CMTM6: variants seen among roughly 807,000 people sequenced by gnomAD.
CMTM6 encodes CKLF-like MARVEL transmembrane domain-containing protein 6.
A neutral mutation model predicts 13.6 loss-of-function variants in CMTM6; 5 were observed. The observed-to-expected ratio is 0.37, with a 90% CI of 0.19 to 0.77. The LOEUF is 0.77. Among genes scored for constraint, CMTM6 ranks in the 30% least tolerant of loss-of-function variants. CMTM6 has a pLI of 0.50. For synonymous variants in CMTM6, 99 were observed against 84.5 expected, an observed-to-expected ratio of 1.17 and a Z score of -0.94; for missense variants, 196 against 218.6, an observed-to-expected ratio of 0.90 and a Z score of 0.65.
At chr3:32,484,399 A>T (rs945593890) in intron 3 of CMTM6, among the ~76,000 whole-genome samples, 2 of 152,262 alleles carry the variant, frequency 1.3e-5, no homozygotes, top group Non-Finnish European at 2.9e-5. Context: ...ACAGATAAAC[A>T]TTAAATCCTA....
chr3:32,501,287 C>T (rs138786431), intron 1 of CMTM6, among the ~76,000 whole-genome samples: 42 of 150,868 alleles, frequency 2.8e-4, no homozygotes, highest in African/African-American at 9.7e-4. Flanking sequence ...CAGAGAAATA[C>T]AGCTAATACC....
intron 3 of CMTM6, among the ~76,000 whole-genome samples, chr3:32,487,145 A>G (rs111524866): frequency 1.6e-4 from 24 of 152,280 alleles, no homozygotes; most frequent in African/African-American, 3.6e-4. Flanking sequence ...GTGAATGGGA[A>G]GGTGGAAAAG....
intron 1 of CMTM6, among the ~76,000 whole-genome samples, chr3:32,500,110 T>G (rs1697332154): frequency 6.6e-6 from 1 of 152,232 alleles, no homozygotes; most frequent in South Asian, 2.1e-4. Flanking sequence ...GTACAATATT[T>G]TGAATAAAAT....
In CMTM6 at chr3:32,484,065, T is replaced by C. The variant is rs146039707; in HGVS notation, c.447A>G (p.Leu149=). The change falls in exon 4 of 4, where the codon CTA becomes CTG. Residue 149 remains leucine, a synonymous_variant. Transcript: ENST00000205636. ...CATACAGCATAGTGATAAAGTCAAG[T>C]AGGAACATAAAACTTGCTATAAATC... ...VFGFIASFMF[L]LDFITMLYEK... is the part of the protein sequence containing the mutation. The C allele has an allele frequency of 1.2e-6, 2 of 1,605,280 alleles. No homozygotes were observed. Among genetic ancestry groups the C allele is most frequent in the Non-Finnish European group, 8.5e-7 (1 of 1,177,154 alleles).
chr3:32,494,524 A>G lies in CMTM6; in HGVS notation c.139-2638T>C, dbSNP rs187274079. On this transcript the variant is annotated intron_variant, in intron 1 of 3. Transcript: ENST00000205636. ...CCAGAAATAGAACTCTTGGGCAACT[A>G]TCTCAGAGAAATGAAAACTTAACAT... is the stretch of plus-strand genomic sequence containing the variant. Among the ~76,000 whole-genome samples, 139 of 152,346 alleles carry G rather than the reference A, an allele frequency of 9.1e-4. 1 individual carries two copies. The highest frequency in any genetic ancestry group is 3.1e-3 in the African/African-American group (128 of 41,576).
At position 32,487,955 on chromosome 3, in the gene CMTM6, C is replaced by G. The variant is rs144552974; in HGVS notation, c.397G>C (p.Ala133Pro). Residue 133 changes from alanine to proline, a missense_variant, in exon 3 of 4, where the codon GCT becomes CCT. Ala to Pro is a conservative substitution (Grantham distance 27). Transcript: ENST00000205636. The stretch of plus-strand genomic sequence containing the variant: ...GTACTTACAATTGCAGCAATCTCAG[C>G]TGAAGTCCTGTCATGTGTGGAAACA... ...IFVSTHDRTS[A>P]EIAAIVFGFI... is the part of the protein sequence containing the mutation. The G allele has an allele frequency of 6.2e-7, 1 of 1,612,440 alleles. No homozygotes were observed. The highest frequency in any genetic ancestry group is 1.3e-5 in the African/African-American group (1 of 74,972).
chr3:32,496,429 A>C (rs1239706597), intron 1 of CMTM6, among the ~76,000 whole-genome samples: 1 of 152,102 alleles, frequency 6.6e-6, no homozygotes, highest in East Asian at 1.9e-4. Flanking sequence ...CAAAAAAAAA[A>C]GAAAAAAAAT....
At position 32,491,895 on chromosome 3, in the gene CMTM6, G is replaced by C. The variant is rs377609537; in HGVS notation, c.139-9C>G. Reference sequence around the variant, plus strand: ...GCCAGCAGAGACAGCAACTACAAATGAAGCAAAACATTTTACTTAAGTGTT... The same window carrying C: ...GCCAGCAGAGACAGCAACTACAAATCAAGCAAAACATTTTACTTAAGTGTT... On this transcript the variant is annotated splice_polypyrimidine_tract_variant and intron_variant, in intron 1 of 3. Coordinates refer to ENST00000205636, the MANE Select transcript of CMTM6 (RefSeq NM_017801.3). 4.6e-5 allele frequency: 73 copies of C among 1,593,522 alleles called. No homozygotes were observed. The highest frequency in any genetic ancestry group is 1.7e-6 in the Non-Finnish European group (2 of 1,172,344).
rs558117948 is a variant in CMTM6, at chr3:32,494,432, C to A, written c.139-2546G>T. On this transcript the variant is annotated intron_variant, in intron 1 of 3. Coordinates refer to ENST00000205636, the MANE Select transcript of CMTM6 (RefSeq NM_017801.3). ...AATATCTTATCCTACAAAACATTTTCATTAAAAAGGGACAAACAACAGTTC... is the reference window on the plus strand; with the variant it reads ...AATATCTTATCCTACAAAACATTTTAATTAAAAAGGGACAAACAACAGTTC... 1.4e-4 allele frequency among the ~76,000 whole-genome samples: 22 copies of A among 152,314 alleles called. 1 individual carries two copies. In the South Asian group the frequency reaches 4.6e-3, roughly 32 times the overall value.
At chr3:32,501,481 G>GT (rs1375895778) in intron 1 of CMTM6, among the ~76,000 whole-genome samples, 2 of 152,162 alleles carry the variant, frequency 1.3e-5, no homozygotes, top group Non-Finnish European at 1.5e-5. Flanking sequence ...ATCCTACTGG[G>GT]TTCCATAGGC....
chr3:32,495,181 A>G (rs1282254547), intron 1 of CMTM6, among the ~76,000 whole-genome samples: 1 of 152,188 alleles, frequency 6.6e-6, no homozygotes, highest in Non-Finnish European at 1.5e-5. Flanking sequence ...ATATAAAAGA[A>G]AAAAAATAGT....
chr3:32,485,554 T>C (rs1697196209), intron 3 of CMTM6, among the ~76,000 whole-genome samples: 1 of 152,212 alleles, frequency 6.6e-6, no homozygotes, highest in African/African-American at 2.4e-5. Flanking sequence ...AAACTCATTA[T>C]TTTATTGATC....
intron 3 of CMTM6, among the ~76,000 whole-genome samples, chr3:32,485,934 G>A (rs1281587540): frequency 6.6e-6 from 1 of 152,210 alleles, no homozygotes; most frequent in Non-Finnish European, 1.5e-5. Context: ...CTGGAGTGCA[G>A]TGGCACAATC....
intron 1 of CMTM6, among the ~76,000 whole-genome samples, chr3:32,501,065 A>T (rs1022284487): frequency 6.7e-6 from 1 of 149,530 alleles, no homozygotes; most frequent in Non-Finnish European, 1.5e-5. Context: ...CCGGGCATGG[A>T]GGTGCGTGCC....
chr3:32,499,794 T>A (rs1218045813), intron 1 of CMTM6, among the ~76,000 whole-genome samples: 1 of 151,540 alleles, frequency 6.6e-6, no homozygotes, highest in Admixed American at 6.6e-5. Context: ...ATAGAGAAGT[T>A]ACGTTCTTTT....
At chr3:32,499,037 T>C (rs1697323491) in intron 1 of CMTM6, among the ~76,000 whole-genome samples, 1 of 152,248 alleles carries the variant, frequency 6.6e-6, no homozygotes, top group African/African-American at 2.4e-5. Flanking sequence ...CAAAATGATA[T>C]GAATTATAAA....
rs914146051 is a variant in CMTM6, at chr3:32,491,713, T to C, written c.312A>G (p.Ser104=). The C allele has an allele frequency of 6.3e-7, 1 of 1,589,800 alleles. No homozygotes were observed. ...GATGATATTTTCTCATGCTTACCGA[T>C]GATTTTACTTTTGTGGTATCAACTC... ...YERVDTTKVK[S]SDFYITLGTG... The change falls in exon 2 of 4, where the codon TCA becomes TCG. Residue 104 remains serine, a synonymous_variant. Coordinates refer to ENST00000205636, the MANE Select transcript of CMTM6 (RefSeq NM_017801.3).
In CMTM6 at chr3:32,483,936, GGTAA is replaced by G; in HGVS notation, c.*20_*23del. On this transcript the variant is annotated 3_prime_UTR_variant, in exon 4 of 4. Coordinates refer to ENST00000205636, the MANE Select transcript of CMTM6 (RefSeq NM_017801.3). Reference sequence around the variant, plus strand: ...ACCACAATGCAGGGTCACTACCTTAGGTAACATCTGCTCCCCAGAGTCTTTAGGC... The same window carrying G: ...ACCACAATGCAGGGTCACTACCTTAGCATCTGCTCCCCAGAGTCTTTAGGC... 2 of 1,568,302 alleles carry G rather than the reference GGTAA, an allele frequency of 1.3e-6. No homozygotes were observed. The highest frequency in any genetic ancestry group is 1.7e-6 in the Non-Finnish European group (2 of 1,162,960).
intron 1 of CMTM6, among the ~76,000 whole-genome samples, chr3:32,502,223 A>G (rs1459961633): frequency 6.6e-6 from 1 of 152,270 alleles, no homozygotes; most frequent in East Asian, 1.9e-4. Context: ...AAAGATAAAC[A>G]GCGCTTCACA....
Sources: allele counts gnomAD v4.1 joint callset (sites outside exome capture counted in the v4.1 genomes callset), GRCh38; gene constraint gnomAD v4.1.1; transcripts MANE v1.5; gene names NCBI Gene and HGNC (gene_info 2026-07-23, HGNC 2026-07-21).